RREB1: variants seen among roughly 807,000 people sequenced by gnomAD.
The protein encoded by RREB1 is ras-responsive element-binding protein 1.
A neutral mutation model predicts 117.8 loss-of-function variants in RREB1; 27 were observed. The observed-to-expected ratio is 0.23, with a 90% CI of 0.17 to 0.32. The LOEUF (loss-of-function observed/expected upper bound fraction) is 0.32. RREB1 is among the 10% of genes least tolerant of loss of function. The probability of loss-of-function intolerance (pLI) is 1.00; values close to 1 mark genes in which losing one functional copy is unlikely to be tolerated. For missense variants in RREB1, 2,577 were observed against 2,378.2 expected, an observed-to-expected ratio of 1.08 and a Z score of -1.74; for synonymous variants, 1,298 against 1,026.7, an observed-to-expected ratio of 1.26 and a Z score of -5.05.
chr6:7,123,777 A>G (rs1006347965), intron 1 of RREB1, among the ~76,000 whole-genome samples: 2 of 151,622 alleles, frequency 1.3e-5, no homozygotes, highest in Admixed American at 1.3e-4. Context: ...CGCCTGGCTA[A>G]TTTTTTTGTA....
Position 7,246,752 on chromosome 6 carries a change from C to CGAGGCA in RREB1, c.4304_4309dup (p.Glu1435_Ala1436dup). The stretch of plus-strand genomic sequence containing the variant: ...ACTTCAAGCTGGCGGAGGGCGACGG[C>CGAGGCA]GAGGCAGGCGCCGGGGGCGCGGCCT... On this transcript the variant is annotated inframe_insertion, in exon 12 of 13. Coordinates refer to ENST00000379938, the MANE Select transcript of RREB1 (RefSeq NM_001003699.4). 1 of 1,568,270 alleles carries CGAGGCA rather than the reference C, an allele frequency of 6.4e-7. No homozygotes were observed. The highest frequency in any genetic ancestry group is 8.6e-7 in the Non-Finnish European group (1 of 1,157,524).
chr6:7,209,110 C>T (rs143960120), intron 6 of RREB1, among the ~76,000 whole-genome samples: 113 of 152,258 alleles, frequency 7.4e-4, no homozygotes, highest in African/African-American at 2.5e-3. Flanking sequence ...ATCCCAAGAA[C>T]AAAATAATTA....
At chr6:7,116,970 CTTAG>C (rs1040573220) in intron 1 of RREB1, among the ~76,000 whole-genome samples, 21 of 152,242 alleles carry the variant, frequency 1.4e-4, no homozygotes, top group African/African-American at 3.6e-4. Flanking sequence ...ATTTTCTCTG[CTTAG>C]TTAGAGTTTT....
intron 6 of RREB1, among the ~76,000 whole-genome samples, chr6:7,201,682 A>G (rs987784471): frequency 1.3e-5 from 2 of 152,108 alleles, no homozygotes; most frequent in Non-Finnish European, 2.9e-5. Context: ...CCTTCAGTGG[A>G]GACAGATTTT....
chr6:7,135,871 A>G (rs975492849), intron 1 of RREB1, among the ~76,000 whole-genome samples: 5 of 152,190 alleles, frequency 3.3e-5, no homozygotes, highest in Admixed American at 1.3e-4. Flanking sequence ...GGAAGATCAC[A>G]TTGTTTGGAT....
rs1250212306 is a variant in RREB1, at chr6:7,131,129, G to A, written c.-285+23069G>A. Among the ~76,000 whole-genome samples the A allele has an allele frequency of 1.8e-4, 26 of 147,786 alleles. 1 individual carries two copies. The highest frequency in any genetic ancestry group is 1.5e-3 in the Admixed American group (22 of 14,756). On this transcript the variant is annotated intron_variant, in intron 1 of 12. Transcript: ENST00000379938. Reference sequence around the variant, plus strand: ...AATTTTTTGTATTTTTAGTAGAGACGGGGTTTCACTGTGGTCTCGATCTCC... The same window carrying A: ...AATTTTTTGTATTTTTAGTAGAGACAGGGTTTCACTGTGGTCTCGATCTCC...
chr6:7,150,963 G>A (rs549372460), intron 1 of RREB1, among the ~76,000 whole-genome samples: 1 of 152,344 alleles, frequency 6.6e-6, no homozygotes, highest in East Asian at 1.9e-4. Context: ...GATTTGAACA[G>A]CTGCTGGCCG....
chr6:7,243,619 G>C (rs1768839058), intron 11 of RREB1, among the ~76,000 whole-genome samples: 2 of 152,116 alleles, frequency 1.3e-5, no homozygotes, highest in African/African-American at 4.8e-5. Context: ...CAGTTGTTTA[G>C]AATGTGAAGG....
intron 6 of RREB1, among the ~76,000 whole-genome samples, 175 bp from the exon 7 acceptor site, chr6:7,210,629 A>G (rs1766526781): frequency 6.6e-6 from 1 of 152,246 alleles, no homozygotes; most frequent in Admixed American, 6.5e-5. Context: ...GAGCTTTAAG[A>G]GAGGTTCAAG....
intron 1 of RREB1, among the ~76,000 whole-genome samples, chr6:7,144,487 T>C (rs1405942395): frequency 6.6e-6 from 1 of 152,266 alleles, no homozygotes; most frequent in Non-Finnish European, 1.5e-5. Flanking sequence ...AACATGGTCT[T>C]ATCCAAAGGT....
intron 3 of RREB1, 63 bp from the exon 4 acceptor site, chr6:7,181,806 GC>G: frequency 2.6e-6 from 3 of 1,146,854 alleles, no homozygotes; most frequent in Admixed American, 1.8e-5. Flanking sequence ...CATGGCCAGC[GC>G]CCCCTGGCAA....
Position 7,247,003 on chromosome 6 carries a change from C to G in RREB1, c.4553C>G (p.Pro1518Arg). 1 of 1,603,680 alleles carries G rather than the reference C, an allele frequency of 6.2e-7. No individual in the cohort carries two copies. Among genetic ancestry groups the G allele is most frequent in the Non-Finnish European group, 8.5e-7 (1 of 1,175,426 alleles). Reference protein sequence around the residue: ...VESAPGAGEAPAEKLAEETEG... With the variant: ...VESAPGAGEARAEKLAEETEG... The stretch of plus-strand genomic sequence containing the variant: ...TCGGCCCCGGGTGCCGGGGAGGCCC[C>G]GGCGGAAAAGCTCGCGGAGGAGACG... Residue 1518 changes from proline to arginine, a missense_variant, in exon 12 of 13, where the codon CCG becomes CGG. By Grantham distance (103) the Pro-to-Arg change is moderately radical. Transcript: ENST00000379938.
At chr6:7,218,410 C>CA in intron 8 of RREB1, 1 of 149,666 alleles carries the variant, frequency 6.7e-6, no homozygotes, top group South Asian at 2.1e-4. Context: ...TTAAGGTCGC[C>CA]AGATGAATAA....
At position 7,230,325 on chromosome 6, in the gene RREB1, C is replaced by G. The variant is rs756374152; in HGVS notation, c.2226C>G (p.Ala742=). 6.3e-7 allele frequency: 1 copy of G among 1,588,400 alleles called. No homozygotes were observed. The stretch of plus-strand genomic sequence containing the variant: ...TCGAGTATGTGAGTAGCAGCGCGGC[C>G]GAGCTGGTGGACGCCTTCTGCGCCC... The part of the protein sequence containing the change: ...KNIEYVSSSA[A]ELVDAFCAPD... The change falls in exon 10 of 13, where the codon GCC becomes GCG. Residue 742 remains alanine, a synonymous_variant. Coordinates refer to ENST00000379938, the MANE Select transcript of RREB1 (RefSeq NM_001003699.4).
intron 1 of RREB1, among the ~76,000 whole-genome samples, chr6:7,127,850 C>T (rs1762003851): frequency 6.6e-6 from 1 of 152,018 alleles, no homozygotes; most frequent in Admixed American, 6.6e-5. Flanking sequence ...ACGACTCTGC[C>T]CCTCAGATGT....
In RREB1 at chr6:7,109,040, C is replaced by T. The variant is rs1023101771; in HGVS notation, c.-285+980C>T. 4.0e-5 allele frequency among the ~76,000 whole-genome samples: 6 copies of T among 150,596 alleles called. No individual in the cohort carries two copies. The South Asian group carries it at 1.3e-3, about 32-fold the overall frequency. On this transcript the variant is annotated intron_variant, in intron 1 of 12. Coordinates refer to ENST00000379938, the MANE Select transcript of RREB1 (RefSeq NM_001003699.4). ...CCTCGCGGGCGGGGGGGGTGGGGGG[C>T]TCGGCGCCGTCACGAGCACAGGAAG... is the stretch of plus-strand genomic sequence containing the variant.
chr6:7,234,830 A>G (rs938722928), intron 10 of RREB1, among the ~76,000 whole-genome samples: 2 of 152,182 alleles, frequency 1.3e-5, no homozygotes, highest in Non-Finnish European at 2.9e-5. Context: ...AGATGGAGCT[A>G]CTGTTCCAAG....
intron 1 of RREB1, among the ~76,000 whole-genome samples, chr6:7,126,604 T>C (rs535956327): frequency 7.9e-5 from 12 of 152,238 alleles, no homozygotes; most frequent in Non-Finnish European, 1.2e-4. Flanking sequence ...AATTACGTCT[T>C]GTGTGCTACC....
intron 1 of RREB1, among the ~76,000 whole-genome samples, chr6:7,113,305 C>G (rs942648636): frequency 1.3e-5 from 2 of 152,136 alleles, no homozygotes; most frequent in Admixed American, 6.5e-5. Context: ...CTTTTAAATG[C>G]TCTATTTGTT....
Sources: allele counts gnomAD v4.1 joint callset (sites outside exome capture counted in the v4.1 genomes callset), GRCh38; gene constraint gnomAD v4.1.1; transcripts MANE v1.5; gene names NCBI Gene and HGNC (gene_info 2026-07-23, HGNC 2026-07-21).